CHLSN: variants seen among roughly 807,000 people sequenced by gnomAD.
CHLSN encodes cholesin, also known as protein cholesin.
At chr7:1,099,514 C>T in the CHLSN span, among the ~76,000 whole-genome samples, 1 of 152,380 alleles carries the variant, frequency 6.6e-6, no homozygotes, top group Middle Eastern at 3.4e-3. Context: ...TCTCGCTCAC[C>T]GCCTGGTAAG....
chr7:1,026,346 C>G, the CHLSN span: 1 of 152,274 alleles, frequency 6.6e-6, no homozygotes, highest in African/African-American at 2.4e-5. Flanking sequence ...CGCGCAACAG[C>G]TGTCCCGGGA....
the CHLSN span, among the ~76,000 whole-genome samples, chr7:1,090,714 G>A: frequency 6.6e-6 from 1 of 152,262 alleles, no homozygotes; most frequent in Non-Finnish European, 1.5e-5. Context: ...GATAAGCTCG[G>A]GAGGGACTCT....
At chr7:1,017,708 C>T in the CHLSN span, among the ~76,000 whole-genome samples, 2 of 152,334 alleles carry the variant, frequency 1.3e-5, no homozygotes, top group African/African-American at 4.8e-5. Context: ...GAACTGACTG[C>T]CGCGGGCAGC....
chr7:998,738 G>A, the CHLSN span, among the ~76,000 whole-genome samples: 3 of 152,226 alleles, frequency 2.0e-5, no homozygotes, highest in South Asian at 4.1e-4. Flanking sequence ...GAGCCACCAC[G>A]CCCGGCTACA....
chr7:1,051,534 T>TGGCCCA, the CHLSN span, among the ~76,000 whole-genome samples: 1 of 152,084 alleles, frequency 6.6e-6, no homozygotes, highest in African/African-American at 2.4e-5. Context: ...TGCTGGCCCA[T>TGGCCCA]GGCCCAGGCC....
chr7:985,475 C>T, the CHLSN span: 1 of 918,236 alleles, frequency 1.1e-6, no homozygotes, highest in Non-Finnish European at 1.6e-6. Context: ...AATCAGGACC[C>T]ATCCGACGTT....
chr7:1,016,792 G>GCGCA, the CHLSN span, among the ~76,000 whole-genome samples: 9 of 67,886 alleles, frequency 1.3e-4, no homozygotes, highest in African/African-American at 7.5e-4. Context: ...ACAGCACACA[G>GCGCA]CAGCACACAG....
At chr7:1,022,160 G>A in the CHLSN span, among the ~76,000 whole-genome samples, 1,226 of 152,324 alleles carry the variant, frequency 8.0e-3, 13 homozygotes, top group African/African-American at 0.028. Context: ...GTGAGCCACG[G>A]TGGTGACGGC....
At chr7:988,191 C>T in the CHLSN span, 1 of 1,433,102 alleles carries the variant, frequency 7.0e-7, no homozygotes, top group Non-Finnish European at 9.4e-7. Context: ...GTGGCAGGAG[C>T]TACATCCTGG....
At chr7:1,138,055 C>T in the CHLSN span, 1 of 149,990 alleles carries the variant, frequency 6.7e-6, no homozygotes, top group African/African-American at 2.4e-5. Flanking sequence ...CCAGGGCCGC[C>T]GCCCGGTCGC....
At chr7:1,050,813 A>G in the CHLSN span, among the ~76,000 whole-genome samples, 1 of 152,210 alleles carries the variant, frequency 6.6e-6, no homozygotes, top group Non-Finnish European at 1.5e-5. Flanking sequence ...GGCACACCGG[A>G]AACAGCGACA....
the CHLSN span, among the ~76,000 whole-genome samples, chr7:1,109,057 C>T: frequency 6.6e-6 from 1 of 152,080 alleles, no homozygotes; most frequent in Non-Finnish European, 1.5e-5. Context: ...CCATCACACC[C>T]AGCTCATTTT....
chr7:1,020,099 T>C, the CHLSN span, among the ~76,000 whole-genome samples: 1 of 152,200 alleles, frequency 6.6e-6, no homozygotes, highest in Non-Finnish European at 1.5e-5. Flanking sequence ...AGTGGTGGTG[T>C]CTGCTGCTCT....
At chr7:1,065,182 C>A in the CHLSN span, among the ~76,000 whole-genome samples, 3 of 152,202 alleles carry the variant, frequency 2.0e-5, no homozygotes, top group African/African-American at 7.2e-5. Flanking sequence ...GGCTTCCTGC[C>A]CAGCTCCAGC....
the CHLSN span, among the ~76,000 whole-genome samples, chr7:1,060,278 T>A: frequency 1.2e-3 from 189 of 152,200 alleles, 4 homozygotes; most frequent in South Asian, 0.036. Flanking sequence ...AACAGGAAGA[T>A]GTTCCCCCCA....
chr7:1,000,377 G>A, the CHLSN span: 32 of 1,083,498 alleles, frequency 3.0e-5, no homozygotes, highest in Non-Finnish European at 3.8e-5. Flanking sequence ...CTGCCCCGCC[G>A]TGCACACACC....
At chr7:1,015,380 G>A in the CHLSN span, among the ~76,000 whole-genome samples, 1 of 152,236 alleles carries the variant, frequency 6.6e-6, no homozygotes, top group African/African-American at 2.4e-5. Flanking sequence ...GAATGTGCAA[G>A]TCCCTGTCTC....
the CHLSN span, among the ~76,000 whole-genome samples, chr7:1,036,285 T>C: frequency 4.0e-5 from 6 of 150,938 alleles, no homozygotes; most frequent in Non-Finnish European, 5.9e-5. Context: ...TGTGGCCATG[T>C]AGGGTTCGGG....
chr7:1,058,735 C>T, the CHLSN span: 18 of 578,294 alleles, frequency 3.1e-5, no homozygotes, highest in Non-Finnish European at 4.7e-5. Context: ...GAGGCCTGTG[C>T]GTCTCCCAAA....
Sources: gnomAD v4.1 joint callset for allele counts (sites outside exome capture counted in the v4.1 genomes callset) on GRCh38, gnomAD v4.1.1 for gene constraint, MANE v1.5 for transcripts, NCBI Gene and HGNC (gene_info 2026-07-23, HGNC 2026-07-21) for gene names.